Variants in FZD3 observed in about 807,000 individuals in gnomAD.
FZD3 encodes the protein frizzled class receptor 3.
FZD3 carries 30 observed loss-of-function variants against 60.7 expected under a neutral mutation model. That is an observed-to-expected ratio of 0.49 (90% CI 0.37 to 0.67). The LOEUF is 0.67. Ranked by LOEUF, FZD3 falls within the 30% of genes least tolerant of loss-of-function variation. FZD3 has a pLI of 0.00. For synonymous variants in FZD3, 246 were observed against 275.2 expected (o/e 0.89, Z 1.05); for missense variants, 605 against 838.7 (o/e 0.72, Z 3.44).
chr8:28,505,970 G>A (rs1435226699), intron 3 of FZD3, among the ~76,000 whole-genome samples: 1 of 152,128 alleles, frequency 6.6e-6, no homozygotes, highest in Non-Finnish European at 1.5e-5. Flanking sequence ...CACATGCTAC[G>A]TTTTTCTAAG....
At chr8:28,550,467 A>T (rs1028697130) in intron 5 of FZD3, among the ~76,000 whole-genome samples, 2,810 of 50,036 alleles carry the variant, frequency 0.056, no homozygotes, top group Middle Eastern at 0.097. Context: ...CAAATACTTT[A>T]TTTCTTCTTT....
Position 28,527,924 on chromosome 8 carries a change from T to G in FZD3, c.1164T>G (p.Ser388=), listed in dbSNP as rs757539061. The G allele has an allele frequency of 5.6e-6, 9 of 1,614,072 alleles. No individual in the cohort carries two copies. In the Admixed American group the frequency reaches 1.5e-4, roughly 27 times the overall value. Residue 388 remains serine, a synonymous_variant, in exon 5 of 8, where the codon TCT becomes TCG. Transcript: ENST00000240093. This position sits in a 1 kb window ranked among gnomAD's most constrained non-coding sequence, Gnocchi z 5.0. ...PLCLYVVVGV[S]LLLAGIISLN... is the part of the protein sequence containing the mutation. ...GCCTGTATGTGGTAGTTGGGGTTTC[T>G]CTCCTCTTAGCTGGCATTATATCCC... is the stretch of plus-strand genomic sequence containing the variant.
At chr8:28,495,965 A>G (rs977453852) in intron 1 of FZD3, among the ~76,000 whole-genome samples, 7 of 151,908 alleles carry the variant, frequency 4.6e-5, no homozygotes, top group Admixed American at 2.0e-4. Flanking sequence ...AAAATTCTCT[A>G]TCTCCATCTC....
At chr8:28,559,352 G>T (rs1463157294) in intron 7 of FZD3, among the ~76,000 whole-genome samples, 1 of 152,192 alleles carries the variant, frequency 6.6e-6, no homozygotes, top group African/African-American at 2.4e-5. Flanking sequence ...ATGAGTCAGA[G>T]AAATTGCTTA....
chr8:28,518,662 C>T (rs755939564), intron 3 of FZD3, among the ~76,000 whole-genome samples: 10 of 151,916 alleles, frequency 6.6e-5, no homozygotes, highest in Non-Finnish European at 8.8e-5. Context: ...TAGACTCAGT[C>T]CTTCCCACTT....
Position 28,548,231 on chromosome 8 carries a change from G to C in FZD3, c.1405-3372G>C, listed in dbSNP as rs1024181603. On this transcript the variant is annotated intron_variant, in intron 5 of 7. Coordinates refer to ENST00000240093, the MANE Select transcript of FZD3 (RefSeq NM_017412.4). Reference sequence around the variant, plus strand: ...TCTCCATCTCTCTCCTTGAAATAAAGCTTTCATCTACAACTTTATGGTTTC... The same window carrying C: ...TCTCCATCTCTCTCCTTGAAATAAACCTTTCATCTACAACTTTATGGTTTC... Among the ~76,000 whole-genome samples the C allele has an allele frequency of 1.0e-4, 15 of 146,758 alleles. 1 individual carries two copies. The East Asian group carries it at 2.0e-3, about 20-fold the overall frequency.
intron 4 of FZD3, among the ~76,000 whole-genome samples, chr8:28,522,294 T>A (rs1464568377): frequency 6.6e-6 from 1 of 152,134 alleles, no homozygotes; most frequent in African/African-American, 2.4e-5. Context: ...AACAGTGTTA[T>A]TTAAGGACCT....
Position 28,527,278 on chromosome 8 carries a change from C to A in FZD3, c.518C>A (p.Pro173His). 6.2e-7 allele frequency: 1 copy of A among 1,613,978 alleles called. No individual in the cohort carries two copies. ...FWCPRELKID[P>H]DLGYSFLHVR... ...TGTCCCCGAGAGTTAAAAATTGATCCTGATCTGGGTTATTCTTTTCTGCAT... is the reference window on the plus strand; with the variant it reads ...TGTCCCCGAGAGTTAAAAATTGATCATGATCTGGGTTATTCTTTTCTGCAT... The change falls in exon 5 of 8, where the codon CCT becomes CAT. Residue 173 changes from proline to histidine, a missense_variant. Coordinates refer to ENST00000240093, the MANE Select transcript of FZD3 (RefSeq NM_017412.4). The surrounding 1 kb of genome is among the most constrained non-coding windows in gnomAD (Gnocchi z 5.0).
chr8:28,520,289 A>G (rs908314307), intron 3 of FZD3, among the ~76,000 whole-genome samples: 1 of 151,864 alleles, frequency 6.6e-6, no homozygotes, highest in Non-Finnish European at 1.5e-5. Flanking sequence ...TTGTAATCCC[A>G]TCACCAATCT....
intron 5 of FZD3, among the ~76,000 whole-genome samples, chr8:28,551,083 T>G (rs189388974): frequency 0.031 from 4,751 of 152,190 alleles, 149 homozygotes; most frequent in East Asian, 0.15. Context: ...CTATCATCTA[T>G]CTAGATAGAT....
intron 3 of FZD3, among the ~76,000 whole-genome samples, chr8:28,517,451 A>G (rs1043103255): frequency 4.6e-5 from 7 of 152,196 alleles, no homozygotes; most frequent in African/African-American, 1.7e-4. Flanking sequence ...CAACTTCTCA[A>G]ATCTGTAAGT....
At chr8:28,497,901 A>G (rs1803885165) in intron 1 of FZD3, among the ~76,000 whole-genome samples, 1 of 152,142 alleles carries the variant, frequency 6.6e-6, no homozygotes, top group Non-Finnish European at 1.5e-5. Flanking sequence ...CAGTCTTCCA[A>G]GATTGGAATC....
At chr8:28,561,970 G>A (rs1010105524) in intron 7 of FZD3, among the ~76,000 whole-genome samples, 9 of 152,148 alleles carry the variant, frequency 5.9e-5, no homozygotes, top group Non-Finnish European at 1.3e-4. Flanking sequence ...AGTGAGTCAG[G>A]ACTGCAACAA....
chr8:28,565,409 T>C lies in FZD3; in HGVS notation c.*2398T>C, dbSNP rs1420062122. On this transcript the variant is annotated 3_prime_UTR_variant, in exon 8 of 8. Coordinates refer to ENST00000240093, the MANE Select transcript of FZD3 (RefSeq NM_017412.4). ...GAAGCTTTTGTCTGAGAATCTCTCC[T>C]GCAAACAGCATGAGAGAACTAAAAC... is the stretch of plus-strand genomic sequence containing the variant. 1 of 152,176 alleles carries C rather than the reference T, an allele frequency of 6.6e-6. No individual in the cohort carries two copies. The highest frequency in any genetic ancestry group is 6.5e-5 in the Admixed American group (1 of 15,280). The allele number at this position is 152,176 out of a possible 1,614,324, so 9.4% of individuals were successfully genotyped here. A position where few individuals can be genotyped will look rare whatever the true frequency, so the allele number is the denominator to read the frequency against.
chr8:28,534,422 A>G (rs1319410031), intron 5 of FZD3, among the ~76,000 whole-genome samples: 1 of 152,172 alleles, frequency 6.6e-6, no homozygotes, highest in African/African-American at 2.4e-5. Context: ...GCATGTTGGC[A>G]TGTGCCTGTA....
In FZD3 at chr8:28,551,724, G is replaced by GT; in HGVS notation, c.1533dup (p.His512SerfsTer4). The GT allele has an allele frequency of 1.9e-6, 3 of 1,609,976 alleles. No homozygotes were observed. Among genetic ancestry groups the GT allele is most frequent in the Admixed American group, 1.7e-5 (1 of 59,032 alleles). On this transcript the variant is annotated frameshift_variant, in exon 6 of 8. Transcript: ENST00000240093. LOFTEE classifies it high-confidence loss of function. The stretch of plus-strand genomic sequence containing the variant: ...AAAAAGACATGCTTTGAATGGGCCA[G>GT]TTTTTTTCATGGTCGTAGGAAAAAA...
chr8:28,512,771 A>G (rs1043758344), intron 3 of FZD3, among the ~76,000 whole-genome samples: 15 of 152,146 alleles, frequency 9.9e-5, no homozygotes, highest in African/African-American at 3.6e-4. Flanking sequence ...TGAAGGAGTC[A>G]TGGAAGGCTT....
intron 3 of FZD3, among the ~76,000 whole-genome samples, chr8:28,504,111 T>C (rs1031306655): frequency 2.6e-5 from 4 of 152,308 alleles, no homozygotes; most frequent in African/African-American, 9.6e-5. Flanking sequence ...GAATTCTTCA[T>C]TTTATAATAA....
At chr8:28,536,312 A>T (rs542521898) in intron 5 of FZD3, among the ~76,000 whole-genome samples, 47 of 152,234 alleles carry the variant, frequency 3.1e-4, no homozygotes, top group Non-Finnish European at 5.6e-4. Flanking sequence ...AATTTTGACA[A>T]TAGAACATTT....
Sources: gnomAD v4.1 joint callset for allele counts (sites outside exome capture counted in the v4.1 genomes callset) on GRCh38, gnomAD v4.1.1 for gene constraint, Gnocchi (gnomAD v3.1) non-coding constraint, MANE v1.5 for transcripts, NCBI Gene and HGNC (gene_info 2026-07-23, HGNC 2026-07-21) for gene names.